Variants in TLK1 observed in about 807,000 individuals in gnomAD.
TLK1 encodes serine/threonine-protein kinase tousled-like 1.
TLK1 carries 24 observed loss-of-function variants against 105.3 expected under a neutral mutation model. That is an observed-to-expected ratio of 0.23 (90% CI 0.17 to 0.32). The LOEUF is 0.32. Ranked by LOEUF, TLK1 falls within the 10% of genes least tolerant of loss-of-function variation. The pLI, the probability that TLK1 is intolerant of heterozygous loss-of-function variation, is 1.00. For missense variants in TLK1, 558 were observed against 910.5 expected, an observed-to-expected ratio of 0.61 and a Z score of 4.98; for synonymous variants, 321 against 310.4, an observed-to-expected ratio of 1.03 and a Z score of -0.36.
At chr2:171,221,960 T>C (rs1054989873) in intron 1 of TLK1, among the ~76,000 whole-genome samples, 2 of 152,228 alleles carry the variant, frequency 1.3e-5, no homozygotes, top group African/African-American at 4.8e-5. Context: ...GGAGGACACA[T>C]TTACTGCTCA....
chr2:171,085,317 G>C (rs929144867), intron 2 of TLK1, among the ~76,000 whole-genome samples: 4 of 151,760 alleles, frequency 2.6e-5, no homozygotes, highest in African/African-American at 4.8e-5. Flanking sequence ...TTGAATCTGG[G>C]AGGCAGAGGT....
At chr2:171,029,331 T>G (rs1048879593) in intron 11 of TLK1, among the ~76,000 whole-genome samples, 1 of 152,126 alleles carries the variant, frequency 6.6e-6, no homozygotes, top group Non-Finnish European at 1.5e-5. Flanking sequence ...AAAACTTTAG[T>G]CAAAGTACTA....
chr2:171,019,742 T>G (rs187058338), intron 12 of TLK1, among the ~76,000 whole-genome samples: 10 of 152,264 alleles, frequency 6.6e-5, no homozygotes, highest in Admixed American at 6.5e-4. Flanking sequence ...ACTACTTGAT[T>G]AAGAAAACCG....
At chr2:171,059,869 C>A (rs1687667012) in intron 4 of TLK1, 7 of 899,816 alleles carry the variant, frequency 7.8e-6, no homozygotes, top group Non-Finnish European at 1.3e-5. Flanking sequence ...AACGCTGCCG[C>A]TGATCTGACA....
intron 1 of TLK1, among the ~76,000 whole-genome samples, chr2:171,158,257 G>A (rs1049452611): frequency 6.6e-6 from 1 of 152,130 alleles, no homozygotes; most frequent in Non-Finnish European, 1.5e-5. Flanking sequence ...TCGGTGTGAA[G>A]TGTAACTTTC....
chr2:171,006,650 C>T lies in TLK1; in HGVS notation c.1599-7G>A, dbSNP rs1055416085. On this transcript the variant is annotated splice_region_variant and splice_polypyrimidine_tract_variant and intron_variant, in intron 16 of 20. Transcript: ENST00000431350. ...TTCTAACACTGTACAAAACCTACAA[C>T]AGAGAAGAGAAAAAAATTAGACATA... 11 of 1,611,692 alleles carry T rather than the reference C, an allele frequency of 6.8e-6. No individual in the cohort carries two copies. The highest frequency in any genetic ancestry group is 9.3e-6 in the Non-Finnish European group (11 of 1,179,612).
chr2:171,099,847 A>C (rs939825591), intron 2 of TLK1, among the ~76,000 whole-genome samples: 2 of 152,234 alleles, frequency 1.3e-5, no homozygotes, highest in African/African-American at 4.8e-5. Flanking sequence ...CCATATATGC[A>C]AATTAACTCA....
chr2:171,096,797 A>G (rs1558939731), intron 2 of TLK1, among the ~76,000 whole-genome samples: 1 of 152,010 alleles, frequency 6.6e-6, no homozygotes, highest in Non-Finnish European at 1.5e-5. Flanking sequence ...TGAAAGATCT[A>G]TAAAATAAAA....
intron 7 of TLK1, chr2:171,054,102 C>T: frequency 3.2e-6 from 1 of 310,970 alleles, no homozygotes. Context: ...TTCAATATAT[C>T]CGCTGCTTTG....
chr2:170,996,001 C>T (rs1489095161), intron 20 of TLK1, among the ~76,000 whole-genome samples: 2 of 151,822 alleles, frequency 1.3e-5, no homozygotes, highest in Non-Finnish European at 2.9e-5. Flanking sequence ...CGCGCATGGC[C>T]TATTTGGTTT....
intron 1 of TLK1, among the ~76,000 whole-genome samples, chr2:171,127,273 G>A (rs1366029541): frequency 3.4e-5 from 4 of 116,680 alleles, no homozygotes; most frequent in South Asian, 2.4e-4. Flanking sequence ...TGAGACTCCC[G>A]TCTCAAAAAA....
chr2:171,040,568 G>GTTTTTT (rs59971440), intron 11 of TLK1, among the ~76,000 whole-genome samples: 1 of 104,306 alleles, frequency 9.6e-6, no homozygotes, highest in African/African-American at 3.3e-5. Flanking sequence ...TTCCTTTTTT[G>GTTTTTT]TTTTTTTTTT....
At chr2:171,093,624 A>G (rs149001204) in intron 2 of TLK1, among the ~76,000 whole-genome samples, 31 of 152,228 alleles carry the variant, frequency 2.0e-4, no homozygotes, top group African/African-American at 6.7e-4. Context: ...ATGTCAGGTA[A>G]TTTGAACTTC....
intron 14 of TLK1, among the ~76,000 whole-genome samples, chr2:171,011,073 T>C (rs904306921): frequency 1.1e-4 from 16 of 152,186 alleles, no homozygotes; most frequent in Non-Finnish European, 1.8e-4. Context: ...GGTGCAATCA[T>C]AGCTTATTGC....
intron 13 of TLK1, among the ~76,000 whole-genome samples, chr2:171,013,318 CTTTTTTTTTTT>C (rs774923512): frequency 2.8e-4 from 21 of 74,150 alleles, no homozygotes; most frequent in East Asian, 1.0e-3. Flanking sequence ...TGGCCCCTCA[CTTTTTTTTTTT>C]TTTTTTTTTT....
intron 1 of TLK1, among the ~76,000 whole-genome samples, chr2:171,132,511 T>G (rs1392796397): frequency 6.6e-6 from 1 of 152,250 alleles, no homozygotes; most frequent in Non-Finnish European, 1.5e-5. Flanking sequence ...CACTGCATAT[T>G]AATGTTAGTA....
At chr2:171,119,875 A>T (rs1690582015) in intron 1 of TLK1, among the ~76,000 whole-genome samples, 1 of 152,214 alleles carries the variant, frequency 6.6e-6, no homozygotes, top group Non-Finnish European at 1.5e-5. Flanking sequence ...CTCTTAGAAG[A>T]AAACATATGG....
Position 170,993,687 on chromosome 2 carries a change from AAAAG to A in TLK1, c.*89_*92del, listed in dbSNP as rs1372071459. 35 of 1,001,170 alleles carry A rather than the reference AAAAG, an allele frequency of 3.5e-5. No homozygotes were observed. The highest frequency in any genetic ancestry group is 3.0e-4 in the African/African-American group (17 of 57,320). The allele number at this position is 1,001,170 out of a possible 1,614,324, so 62.0% of individuals were successfully genotyped here. On this transcript the variant is annotated 3_prime_UTR_variant, in exon 21 of 21. Coordinates refer to ENST00000431350, the MANE Select transcript of TLK1 (RefSeq NM_012290.5). The stretch of plus-strand genomic sequence containing the variant: ...CTTGTGTAAAAAAAAAAAAAAAAAA[AAAAG>A]AAAAAGAAAACAAACACTCAAATGC...
intron 3 of TLK1, among the ~76,000 whole-genome samples, chr2:171,062,598 A>G (rs1687807429): frequency 6.6e-6 from 1 of 152,150 alleles, no homozygotes. Flanking sequence ...CCCCTAGCAT[A>G]CAGTTATTAC....
Sources: allele counts gnomAD v4.1 joint callset (sites outside exome capture counted in the v4.1 genomes callset), GRCh38; gene constraint gnomAD v4.1.1; transcripts MANE v1.5; gene names NCBI Gene and HGNC (gene_info 2026-07-23, HGNC 2026-07-21).